The following TUSC3 variants were observed in gnomAD, a reference collection of about 807,000 sequenced individuals.
TUSC3 encodes the protein tumor suppressor candidate 3, also known as dolichyl-diphosphooligosaccharide--protein glycosyltransferase subunit TUSC3.
A neutral mutation model predicts 44.8 loss-of-function variants in TUSC3; 45 were observed. The ratio of observed to expected loss-of-function variants is 1.00; its 90% CI spans 0.79 to 1.29. The LOEUF (loss-of-function observed/expected upper bound fraction) is 1.29. Ranked by LOEUF, TUSC3 falls within the 50% of genes most tolerant of loss-of-function variation. The probability of loss-of-function intolerance (pLI) is 0.00; values close to 1 mark genes in which losing one functional copy is unlikely to be tolerated. For missense variants in TUSC3, 519 were observed against 437.9 expected, an observed-to-expected ratio of 1.19 and a Z score of -1.65; for synonymous variants, 212 against 152.9, an observed-to-expected ratio of 1.39 and a Z score of -2.85.
chr8:15,762,872 G>A (rs192023307), intron 10 of TUSC3, among the ~76,000 whole-genome samples: 13 of 147,730 alleles, frequency 8.8e-5, no homozygotes, highest in Admixed American at 5.5e-4. Flanking sequence ...AGCAACTACA[G>A]CTTAAGGCCC....
intron 6 of TUSC3, among the ~76,000 whole-genome samples, chr8:15,702,478 A>G (rs1204289202): frequency 6.6e-6 from 1 of 152,094 alleles, no homozygotes. Context: ...TGGTATAAAT[A>G]CCTTCCAAGG....
At chr8:15,508,495 C>G (rs1257646138) in intron 2 of TUSC3, among the ~76,000 whole-genome samples, 2 of 102,132 alleles carry the variant, frequency 2.0e-5, no homozygotes, top group Admixed American at 1.6e-4. Context: ...AGGAGTCTCT[C>G]TTGTTGCCCA....
chr8:15,781,538 A>G, the TUSC3 span, among the ~76,000 whole-genome samples: 1 of 152,198 alleles, frequency 6.6e-6, no homozygotes, highest in Non-Finnish European at 1.5e-5. Flanking sequence ...GGCTTTTTCA[A>G]CAGAAACCTT....
Position 15,649,438 on chromosome 8 carries a change from G to T in TUSC3, c.309-1259G>T, listed in dbSNP as rs181950431. Among the ~76,000 whole-genome samples, 518 of 152,102 alleles carry T rather than the reference G, an allele frequency of 3.4e-3. 4 individuals are homozygous for T. Among genetic ancestry groups the T allele is most frequent in the African/African-American group, 0.012 (505 of 41,478 alleles). Reference sequence around the variant, plus strand: ...TCTCTACTAAAAATAGAAAAAATTAGCCGGGCTTGGTGGCGGGCGCCTGTA... The same window carrying T: ...TCTCTACTAAAAATAGAAAAAATTATCCGGGCTTGGTGGCGGGCGCCTGTA... On this transcript the variant is annotated intron_variant, in intron 2 of 10. Transcript: ENST00000503731.
rs144788420 is a variant in TUSC3, at chr8:15,530,630, A to T, written n.189+47147A>T. Among the ~76,000 whole-genome samples the T allele has an allele frequency of 3.3e-3, 495 of 152,292 alleles. 4 individuals are homozygous for T. The highest frequency in any genetic ancestry group is 0.011 in the African/African-American group (476 of 41,568). ...AATGATTAGAGTAGGGATTAAAAAG[A>T]CAAGTAAATCATAGTTCCTCTATTC... On this transcript the variant is annotated intron_variant and non_coding_transcript_variant, in intron 2 of 5. Transcript: ENST00000503191.
At chr8:15,421,839 A>T (rs148858147) in intron 1 of TUSC3, among the ~76,000 whole-genome samples, 50 of 152,350 alleles carry the variant, frequency 3.3e-4, no homozygotes, top group African/African-American at 1.1e-3. Flanking sequence ...TTGTAAAAAA[A>T]TTCAATTTAA....
chr8:15,459,376 CT>C (rs527478036), intron 1 of TUSC3, among the ~76,000 whole-genome samples: 20 of 151,046 alleles, frequency 1.3e-4, no homozygotes, highest in African/African-American at 4.1e-4. Flanking sequence ...AGAAACTCTT[CT>C]TTTTTTTTGA....
At chr8:15,423,858 T>C (rs779261077) in intron 1 of TUSC3, among the ~76,000 whole-genome samples, 1 of 152,096 alleles carries the variant, frequency 6.6e-6, no homozygotes, top group Non-Finnish European at 1.5e-5. Flanking sequence ...CTCAGTTTGT[T>C]TCTCTATTGA....
chr8:15,508,259 C>A (rs904190152), intron 2 of TUSC3, among the ~76,000 whole-genome samples: 4 of 151,626 alleles, frequency 2.6e-5, no homozygotes, highest in African/African-American at 9.7e-5. Flanking sequence ...ACAACAAAAA[C>A]AAAAAACAAA....
chr8:15,519,666 C>T (rs370491703), intron 2 of TUSC3, among the ~76,000 whole-genome samples: 12 of 152,166 alleles, frequency 7.9e-5, no homozygotes, highest in Non-Finnish European at 1.3e-4. Context: ...CTGAAACCAT[C>T]CTCCTGCATC....
intron 3 of TUSC3, chr8:15,651,042 G>A (rs1330707863): frequency 1.2e-5 from 6 of 502,660 alleles, no homozygotes; most frequent in Non-Finnish European, 2.1e-5. Flanking sequence ...TCATTCAATA[G>A]GTTAGTAAAT....
intron 9 of TUSC3, 34 bp from the exon 10 acceptor site, chr8:15,757,757 A>G (rs1412980889): frequency 6.8e-6 from 10 of 1,474,026 alleles, no homozygotes; most frequent in Non-Finnish European, 9.5e-6. Context: ...TATTTTTTCC[A>G]TATTGTTGTA....
At chr8:15,629,946 G>C (rs551480672) in intron 2 of TUSC3, among the ~76,000 whole-genome samples, 41 of 151,722 alleles carry the variant, frequency 2.7e-4, no homozygotes, top group Non-Finnish European at 4.9e-4. Context: ...CAAACTCCTC[G>C]GCCAAATAAA....
At chr8:15,481,603 A>G (rs1369206025) in intron 1 of TUSC3, among the ~76,000 whole-genome samples, 3 of 152,160 alleles carry the variant, frequency 2.0e-5, no homozygotes, top group Non-Finnish European at 4.4e-5. Context: ...TATCACAGTA[A>G]AGCAGGTCAC....
At position 15,653,823 on chromosome 8, in the gene TUSC3, G is replaced by A. The variant is rs541821953; in HGVS notation, c.426+3009G>A. Among the ~76,000 whole-genome samples the A allele has an allele frequency of 4.6e-5, 7 of 152,256 alleles. No individual in the cohort carries two copies. The East Asian group carries it at 1.4e-3, about 29-fold the overall frequency. ...CATATTTTGCTGAAGTACTGTCTCT[G>A]AATTGATGTTTTAAAGCACTGTTAG... On this transcript the variant is annotated intron_variant, in intron 3 of 10. Coordinates refer to ENST00000503731, the MANE Select transcript of TUSC3 (RefSeq NM_006765.4).
chr8:15,467,901 TC>T (rs1302734292), intron 1 of TUSC3, among the ~76,000 whole-genome samples: 4 of 152,096 alleles, frequency 2.6e-5, no homozygotes, highest in African/African-American at 9.7e-5. Flanking sequence ...AATATAACTC[TC>T]CCATAAAATA....
chr8:15,789,873 C>T, the TUSC3 span, among the ~76,000 whole-genome samples: 317 of 152,216 alleles, frequency 2.1e-3, no homozygotes, highest in African/African-American at 7.2e-3. Context: ...AGGGCAGACA[C>T]GCCCCTAAAT....
intron 9 of TUSC3, among the ~76,000 whole-genome samples, chr8:15,754,733 A>AG: frequency 6.6e-6 from 1 of 152,206 alleles, no homozygotes; most frequent in South Asian, 2.1e-4. Flanking sequence ...ACTGATATAC[A>AG]GGACTGTATC....
chr8:15,582,166 C>G (rs1405025463), intron 1 of TUSC3, among the ~76,000 whole-genome samples: 1 of 152,232 alleles, frequency 6.6e-6, no homozygotes, highest in Non-Finnish European at 1.5e-5. Flanking sequence ...CCTGCTTCGG[C>G]TCGCGCATGG....
Sources: allele counts gnomAD v4.1 joint callset (sites outside exome capture counted in the v4.1 genomes callset), GRCh38; gene constraint gnomAD v4.1.1; transcripts MANE v1.5; gene names NCBI Gene and HGNC (gene_info 2026-07-23, HGNC 2026-07-21).